Variants in CCDC192 observed in about 807,000 individuals in gnomAD.
CCDC192 encodes coiled-coil domain containing 192, also known as coiled-coil domain-containing protein 192.
chr5:127,805,086 C>T (rs1757710822), intron 5 of CCDC192, among the ~76,000 whole-genome samples: 2 of 152,166 alleles, frequency 1.3e-5, no homozygotes, highest in African/African-American at 4.8e-5. Flanking sequence ...TGCCCTCCCT[C>T]TCCCAGTCCC....
chr5:127,724,097 G>A (rs1752173993), intron 2 of CCDC192, among the ~76,000 whole-genome samples: 1 of 152,150 alleles, frequency 6.6e-6, no homozygotes. Flanking sequence ...TTTGGATTCT[G>A]AAAATTCTGT....
chr5:127,802,877 T>C (rs1378248708), intron 5 of CCDC192, among the ~76,000 whole-genome samples: 1 of 152,184 alleles, frequency 6.6e-6, no homozygotes, highest in Non-Finnish European at 1.5e-5. Flanking sequence ...AATCACTTTA[T>C]GACAAAGAAT....
chr5:127,904,072 A>G (rs1294399877), intron 6 of CCDC192, among the ~76,000 whole-genome samples: 1 of 152,122 alleles, frequency 6.6e-6, no homozygotes, highest in African/African-American at 2.4e-5. Flanking sequence ...AAAGCAGAGA[A>G]CCTTTCCTGC....
At chr5:127,920,850 C>T (rs542048855) in intron 6 of CCDC192, among the ~76,000 whole-genome samples, 1 of 151,876 alleles carries the variant, frequency 6.6e-6, no homozygotes, top group South Asian at 2.1e-4. Flanking sequence ...CACTTGAGCC[C>T]AGGAGTTTGA....
chr5:127,794,044 G>A (rs1757026331), intron 3 of CCDC192, among the ~76,000 whole-genome samples: 1 of 152,164 alleles, frequency 6.6e-6, no homozygotes, highest in African/African-American at 2.4e-5. Context: ...ATGTCTGTGG[G>A]ATAGCTGTAG....
At chr5:127,767,486 A>T (rs1755295658) in intron 3 of CCDC192, among the ~76,000 whole-genome samples, 1 of 152,160 alleles carries the variant, frequency 6.6e-6, no homozygotes, top group African/African-American at 2.4e-5. Flanking sequence ...ATTTCTGTGT[A>T]ATTACTTTAT....
chr5:127,703,176 C>G (rs1169601791), upstream of CCDC192, among the ~76,000 whole-genome samples: 1 of 152,214 alleles, frequency 6.6e-6, no homozygotes, highest in African/African-American at 2.4e-5. Flanking sequence ...TTCTGTTCCA[C>G]TTTGAATGAG....
At chr5:127,725,115 A>G (rs1039836380) in intron 2 of CCDC192, among the ~76,000 whole-genome samples, 1 of 152,226 alleles carries the variant, frequency 6.6e-6, no homozygotes, top group African/African-American at 2.4e-5. Flanking sequence ...TATAAAAGAT[A>G]AAAGAATATT....
rs116565797 is a variant in CCDC192, at chr5:127,896,067, T to C, written c.535+20406T>C. ...TTTTTGAAGAGATTCTGAATAAGTATGTCTGTGTTGAGATGCAGGAATTTG... is the reference window on the plus strand; with the variant it reads ...TTTTTGAAGAGATTCTGAATAAGTACGTCTGTGTTGAGATGCAGGAATTTG... On this transcript the variant is annotated intron_variant, in intron 6 of 6. Coordinates refer to ENST00000514853, the MANE Select transcript of CCDC192 (RefSeq NM_001317938.2). Among the ~76,000 whole-genome samples, 737 of 152,290 alleles carry C rather than the reference T, an allele frequency of 4.8e-3. 8 individuals are homozygous for C. The highest frequency in any genetic ancestry group is 0.017 in the African/African-American group (704 of 41,554).
chr5:127,809,495 T>C (rs1178265541), intron 5 of CCDC192, among the ~76,000 whole-genome samples: 1 of 152,198 alleles, frequency 6.6e-6, no homozygotes, highest in South Asian at 2.1e-4. Context: ...AGATTCTATG[T>C]TGAATTTCAT....
At chr5:127,780,781 TACTTTGC>T (rs1369324443) in intron 3 of CCDC192, among the ~76,000 whole-genome samples, 1 of 152,226 alleles carries the variant, frequency 6.6e-6, no homozygotes, top group Non-Finnish European at 1.5e-5. Flanking sequence ...ATTGCCTGCT[TACTTTGC>T]TGACTGTTCC....
intron 3 of CCDC192, among the ~76,000 whole-genome samples, chr5:127,764,398 G>A (rs186818743): frequency 6.6e-6 from 1 of 152,326 alleles, no homozygotes; most frequent in Non-Finnish European, 1.5e-5. Context: ...TGAAGGGAAA[G>A]TAGGATTCAA....
chr5:127,875,992 T>C lies in CCDC192; in HGVS notation c.535+331T>C, dbSNP rs370709420. Among the ~76,000 whole-genome samples the C allele has an allele frequency of 4.0e-5, 6 of 151,132 alleles. No individual in the cohort carries two copies. The East Asian group carries it at 7.7e-4, about 19-fold the overall frequency. On this transcript the variant is annotated intron_variant, in intron 6 of 6. Transcript: ENST00000514853. ...AAGGAAGGCAGGTGCCTGCAGGGAC[T>C]GAGCTCTGGAGTGAGACAGAGCTGT... is the stretch of plus-strand genomic sequence containing the variant.
At chr5:127,915,823 A>AT (rs1753505822) in intron 6 of CCDC192, among the ~76,000 whole-genome samples, 1 of 152,134 alleles carries the variant, frequency 6.6e-6, no homozygotes. Context: ...AAAAGATTGG[A>AT]TCCCCCTATG....
chr5:127,862,927 T>TA (rs1751431144), intron 5 of CCDC192, among the ~76,000 whole-genome samples: 1 of 74,390 alleles, frequency 1.3e-5, no homozygotes, highest in African/African-American at 6.3e-5. Context: ...GTTCCTTTAT[T>TA]TAAAAAAAAA....
At chr5:127,932,153 C>CAAAA (rs571133232) in intron 6 of CCDC192, among the ~76,000 whole-genome samples, 21 of 72,290 alleles carry the variant, frequency 2.9e-4, no homozygotes, top group African/African-American at 9.3e-4. Context: ...GACTCCGTCT[C>CAAAA]AAAAAAAAAA....
intron 6 of CCDC192, among the ~76,000 whole-genome samples, chr5:127,930,233 T>C (rs977360359): frequency 2.1e-4 from 1 of 4,872 alleles, no homozygotes; most frequent in Admixed American, 2.6e-3. Flanking sequence ...TAAACTAAAG[T>C]AAACTAAACT....
At chr5:127,725,345 T>A (rs1285535417) in intron 2 of CCDC192, among the ~76,000 whole-genome samples, 1 of 152,204 alleles carries the variant, frequency 6.6e-6, no homozygotes, top group Non-Finnish European at 1.5e-5. Flanking sequence ...GATTCCATCA[T>A]CAGCATTAGT....
chr5:127,893,113 A>C (rs1310861380), intron 6 of CCDC192, among the ~76,000 whole-genome samples: 5 of 152,206 alleles, frequency 3.3e-5, no homozygotes, highest in Non-Finnish European at 2.9e-5. Flanking sequence ...AGCAGACCTT[A>C]GCGATAATCT....
Sources: allele counts gnomAD v4.1 joint callset (sites outside exome capture counted in the v4.1 genomes callset), GRCh38; gene constraint gnomAD v4.1.1; transcripts MANE v1.5; gene names NCBI Gene and HGNC (gene_info 2026-07-23, HGNC 2026-07-21).